Variants in HK3 observed in about 807,000 individuals in gnomAD.
HK3 encodes the protein hexokinase 3, also known as hexokinase-3.
Under a neutral mutation model 91.0 loss-of-function variants are expected in HK3, and 93 were observed. The ratio of observed to expected loss-of-function variants is 1.02; its 90% CI spans 0.86 to 1.21. HK3 has a LOEUF of 1.21. Among genes scored for constraint, HK3 ranks in the 50% most tolerant of loss-of-function variants. The probability of loss-of-function intolerance (pLI) is 0.00; values close to 1 mark genes in which losing one functional copy is unlikely to be tolerated. For missense variants in HK3, 1,235 were observed against 1,247.4 expected, an observed-to-expected ratio of 0.99 and a Z score of 0.15; for synonymous variants, 519 against 516.9, an observed-to-expected ratio of 1.00 and a Z score of -0.06.
chr5:176,891,104 T>A lies in HK3; in HGVS notation c.347A>T (p.His116Leu). ...CTCCTGGCTTCTGGGCTCCACCCTA[T>A]GCCCCTCAATGCCAGTTAGAGTCAC... ...LWVTLTGIEG[H>L]RVEPRSQEFV... The change falls in exon 4 of 19, where the codon CAT becomes CTT. Residue 116 changes from histidine (H) to leucine (L), a missense_variant. His to Leu is a moderately conservative substitution (Grantham distance 99, BLOSUM62 -3). Transcript: ENST00000292432. 1.2e-6 allele frequency: 2 copies of A among 1,614,132 alleles called. No homozygotes were observed. Among genetic ancestry groups the A allele is most frequent in the Non-Finnish European group, 1.7e-6 (2 of 1,180,044 alleles).
In HK3 at chr5:176,890,893, G is replaced by T. The variant is rs757298879; in HGVS notation, c.463C>A (p.Pro155Thr). The change falls in exon 5 of 19, where the codon CCT becomes ACT. Residue 155 changes from proline to threonine, a missense_variant. By Grantham distance (38) the Pro-to-Thr change is conservative. Transcript: ENST00000292432. ...HCLSEFLDAQ[P>T]VNKQGLQLGF... Reference sequence around the variant, plus strand: ...AGCTGCAGACCCTGTTTGTTCACAGGCTGCGCATCCAGGAACTCAGACAGG... The same window carrying T: ...AGCTGCAGACCCTGTTTGTTCACAGTCTGCGCATCCAGGAACTCAGACAGG... The T allele has an allele frequency of 3.1e-6, 5 of 1,614,058 alleles. No individual in the cohort carries two copies. The highest frequency in any genetic ancestry group is 4.2e-6 in the Non-Finnish European group (5 of 1,180,038).
chr5:176,888,693 C>T lies in HK3; in HGVS notation c.1070+16G>A, dbSNP rs1366563455. 3.8e-5 allele frequency: 62 copies of T among 1,614,048 alleles called. No homozygotes were observed. The highest frequency in any genetic ancestry group is 1.6e-4 in the Middle Eastern group (1 of 6,078). ...AGCCAAGAATCCCCCACTAAACCAC[C>T]ATCTCCCCGACTCACTCCTCCATCT... On this transcript the variant is annotated intron_variant, in intron 9 of 18. Transcript: ENST00000292432.
At position 176,881,455 on chromosome 5, in the gene HK3, A is replaced by G; in HGVS notation, c.2474T>C (p.Val825Ala). The change falls in exon 18 of 19, where the codon GTG (valine) becomes GCG (alanine). Residue 825 changes from valine (V) to alanine (A), a missense_variant. Val to Ala is a moderately conservative substitution (Grantham distance 64). Around this residue, in one of 3 missense-constraint regions of HK3, gnomAD observed 513 missense variants for 477.4 expected, o/e 1.07. Coordinates refer to ENST00000292432, the MANE Select transcript of HK3 (RefSeq NM_002115.3). ...GGACACAGCCTGGCACACCTCTAGCACCATCAGGGCGTCATCTGAGGTCAG... is the reference window on the plus strand; with the variant it reads ...GGACACAGCCTGGCACACCTCTAGCGCCATCAGGGCGTCATCTGAGGTCAG... Reference protein sequence around the residue: ...LPLTSDDALMVLEVCQAVSQR... With the variant: ...LPLTSDDALMALEVCQAVSQR... 1.9e-6 allele frequency: 3 copies of G among 1,609,852 alleles called. No homozygotes were observed. Among genetic ancestry groups the G allele is most frequent in the Non-Finnish European group, 1.7e-6 (2 of 1,179,996 alleles).
At chr5:176,891,590 T>C in intron 2 of HK3, 40 bp from the exon 3 acceptor site, 1 of 1,580,856 alleles carries the variant, frequency 6.3e-7, no homozygotes, top group Non-Finnish European at 8.6e-7. Flanking sequence ...GGAGCACCAT[T>C]GGGCTGGCCA....
In HK3 at chr5:176,888,465, C is replaced by T. The variant is rs1038164123; in HGVS notation, c.1171G>A (p.Val391Met). 69 of 1,554,160 alleles carry T rather than the reference C, an allele frequency of 4.4e-5. No individual in the cohort carries two copies. Among genetic ancestry groups the T allele is most frequent in the African/African-American group, 1.9e-4 (14 of 73,252 alleles). The change falls in exon 10 of 19, where the codon GTG (valine) becomes ATG (methionine). Residue 391 changes from valine (V) to methionine (M), a missense_variant. Physicochemically the swap from Val to Met is conservative, Grantham distance 21. This residue lies in a region of HK3 where 717 missense variants were observed against 751.6 expected (regional missense o/e 0.95). Coordinates refer to ENST00000292432, the MANE Select transcript of HK3 (RefSeq NM_002115.3). ...VELVQHVCAA[V>M]CTRAAQLCAA... ...CAGAGCTGGGCAGCCCGCGTGCACACGGCCGCACAGACGTGCTGCACAAGC... is the reference window on the plus strand; with the variant it reads ...CAGAGCTGGGCAGCCCGCGTGCACATGGCCGCACAGACGTGCTGCACAAGC...
At chr5:176,889,869 G>A in intron 6 of HK3, 125 bp from the exon 7 acceptor site, 1 of 729,122 alleles carries the variant, frequency 1.4e-6, no homozygotes, top group Non-Finnish European at 2.4e-6. Context: ...ACACATGTCT[G>A]CATGCCACAC....
rs971919906 is a variant in HK3, at chr5:176,887,959, G to A, written c.1305-213C>T. On this transcript the variant is annotated intron_variant, in intron 10 of 18. Coordinates refer to ENST00000292432, the MANE Select transcript of HK3 (RefSeq NM_002115.3). The surrounding 1 kb of genome is among the most constrained non-coding windows in gnomAD (Gnocchi z 4.9). ...TCTCTCACCCAAGCTAGAGTGCCACGGAGTGATCATGGCTTACTGTAACCT... is the reference window on the plus strand; with the variant it reads ...TCTCTCACCCAAGCTAGAGTGCCACAGAGTGATCATGGCTTACTGTAACCT... Among the ~76,000 whole-genome samples, 7 of 151,790 alleles carry A rather than the reference G, an allele frequency of 4.6e-5. No homozygotes were observed. The highest frequency in any genetic ancestry group is 8.8e-5 in the Non-Finnish European group (6 of 67,966).
chr5:176,883,514 A>T (rs1758498111), intron 15 of HK3, among the ~76,000 whole-genome samples: 1 of 151,954 alleles, frequency 6.6e-6, no homozygotes, highest in Non-Finnish European at 1.5e-5. Flanking sequence ...AATCTGTACA[A>T]CTCCAAAGCT....
At position 176,888,392 on chromosome 5, in the gene HK3, T is replaced by C; in HGVS notation, c.1244A>G (p.Glu415Gly). The C allele has an allele frequency of 6.4e-7, 1 of 1,563,422 alleles. No homozygotes were observed. Among genetic ancestry groups the C allele is most frequent in the Non-Finnish European group, 8.7e-7 (1 of 1,153,272 alleles). The stretch of plus-strand genomic sequence containing the variant: ...CACAGCAACCTGGAGTGTTTGTTGC[T>C]CCCGGCTGTGCTGGAGGCAGGAGAG... ...AVLSCLQHSREQQTLQVAVAT... is the reference protein window; with the variant it reads ...AVLSCLQHSRGQQTLQVAVAT... Residue 415 changes from glutamate (E) to glycine (G), a missense_variant, in exon 10 of 19, where the codon GAG (glutamate) becomes GGG (glycine). By Grantham distance (98) the Glu-to-Gly change is moderately conservative. Coordinates refer to ENST00000292432, the MANE Select transcript of HK3 (RefSeq NM_002115.3).
At chr5:176,889,271 G>C in intron 8 of HK3, 110 bp downstream of exon 8, 1 of 1,248,112 alleles carries the variant, frequency 8.0e-7, no homozygotes, top group Non-Finnish European at 1.1e-6. Context: ...GAGACCCTCA[G>C]AGTGACAGGG....
chr5:176,891,106 C>T lies in HK3; in HGVS notation c.345G>A (p.Gly115=), dbSNP rs753400254. The change falls in exon 4 of 19, where the codon GGG becomes GGA. Residue 115 remains glycine (G), a synonymous_variant. Transcript: ENST00000292432. ...VLWVTLTGIE[G]HRVEPRSQEF... ...CCTGGCTTCTGGGCTCCACCCTATG[C>T]CCCTCAATGCCAGTTAGAGTCACCC... is the stretch of plus-strand genomic sequence containing the variant. 8.1e-6 allele frequency: 13 copies of T among 1,614,004 alleles called. No individual in the cohort carries two copies. The highest frequency in any genetic ancestry group is 1.3e-5 in the African/African-American group (1 of 74,928).
At chr5:176,888,589 TG>T (rs761999569) in intron 9 of HK3, 24 bp from the exon 10 acceptor site, 2 of 1,592,830 alleles carry the variant, frequency 1.3e-6, no homozygotes, top group Non-Finnish European at 1.7e-6. Flanking sequence ...GGAAGTGGTT[TG>T]GGGCTCAGCC....
At chr5:176,890,801 C>G (rs549027384) in intron 5 of HK3, 21 bp downstream of exon 5, 1 of 1,614,218 alleles carries the variant, frequency 6.2e-7, no homozygotes, top group African/African-American at 1.3e-5. Context: ...TACCCAGCGT[C>G]CCATGTCCAC....
chr5:176,881,542 G>C lies in HK3; in HGVS notation c.2394-7C>G. The C allele has an allele frequency of 2.5e-6, 4 of 1,599,666 alleles. No individual in the cohort carries two copies. The highest frequency in any genetic ancestry group is 3.4e-6 in the Non-Finnish European group (4 of 1,175,074). On this transcript the variant is annotated splice_region_variant and splice_polypyrimidine_tract_variant and intron_variant, in intron 17 of 18. Coordinates refer to ENST00000292432, the MANE Select transcript of HK3 (RefSeq NM_002115.3). ...CCGCAGGGCCAGGCTGTCACTGGGGGCCAGGAAGGAAGAGAGCACAGGGAG... is the reference window on the plus strand; with the variant it reads ...CCGCAGGGCCAGGCTGTCACTGGGGCCCAGGAAGGAAGAGAGCACAGGGAG...
Position 176,881,410 on chromosome 5 carries a change from C to A in HK3, c.2519G>T (p.Cys840Phe). The change falls in exon 18 of 19, where the codon TGT (cysteine) becomes TTT (phenylalanine). Residue 840 changes from cysteine to phenylalanine, a missense_variant. Physicochemically the swap from Cys to Phe is radical, Grantham distance 205. Around this residue, in one of 3 missense-constraint regions of HK3, gnomAD observed 513 missense variants for 477.4 expected, o/e 1.07. Transcript: ENST00000292432. The stretch of plus-strand genomic sequence containing the variant: ...CACCACGGCAGCTACACCCGCCCCA[C>A]AGAGCTGGGCAGCCCTCTGGGACAC... Reference protein sequence around the residue: ...QAVSQRAAQLCGAGVAAVVEK... With the variant: ...QAVSQRAAQLFGAGVAAVVEK... 2 of 1,613,138 alleles carry A rather than the reference C, an allele frequency of 1.2e-6. No homozygotes were observed. Among genetic ancestry groups the A allele is most frequent in the Non-Finnish European group, 1.7e-6 (2 of 1,180,042 alleles).
At position 176,889,554 on chromosome 5, in the gene HK3, G is replaced by A; in HGVS notation, c.741C>T (p.Thr247=). 1 of 1,614,022 alleles carries A rather than the reference G, an allele frequency of 6.2e-7. No homozygotes were observed. The highest frequency in any genetic ancestry group is 2.2e-5 in the East Asian group (1 of 44,890). ...GTGCCTCCTCCATGTAACACGCGTT[G>A]GTGCCCGTGTCTGGCAGAGACAACC... The part of the protein sequence containing the change: ...CEVGLVVDTG[T]NACYMEEARH... Residue 247 remains threonine, a synonymous_variant, in exon 8 of 19, where the codon ACC becomes ACT. Coordinates refer to ENST00000292432, the MANE Select transcript of HK3 (RefSeq NM_002115.3).
At position 176,883,799 on chromosome 5, in the gene HK3, T is replaced by A. The variant is rs775865208; in HGVS notation, c.2024A>T (p.Asp675Val). The A allele has an allele frequency of 5.6e-6, 9 of 1,613,432 alleles. No homozygotes were observed. The highest frequency in any genetic ancestry group is 6.8e-6 in the Non-Finnish European group (8 of 1,179,912). ...AATGAGGCCTATCTCGCAACGGGGG[T>A]CCTCATAGCCACAGGACATCATGGT... Reference protein sequence around the residue: ...VGTMMSCGYEDPRCEIGLIVG... With the variant: ...VGTMMSCGYEVPRCEIGLIVG... The change falls in exon 15 of 19, where the codon GAC becomes GTC. Residue 675 changes from aspartate (D) to valine (V), a missense_variant. Coordinates refer to ENST00000292432, the MANE Select transcript of HK3 (RefSeq NM_002115.3).
In HK3 at chr5:176,891,562, C is replaced by T. The variant is rs1237456589; in HGVS notation, c.97-12G>A. ...AGGCACTCCTGCACCTGGGGAGAAA[C>T]AGGCCAACATCTGGGAAGGAGCACC... On this transcript the variant is annotated splice_polypyrimidine_tract_variant and intron_variant, in intron 2 of 18. Coordinates refer to ENST00000292432, the MANE Select transcript of HK3 (RefSeq NM_002115.3). 1.9e-6 allele frequency: 3 copies of T among 1,605,932 alleles called. No homozygotes were observed. The highest frequency in any genetic ancestry group is 2.7e-5 in the African/African-American group (2 of 74,868).
chr5:176,882,199 C>A (rs537920348), intron 15 of HK3, 72 bp from the exon 16 acceptor site: 1 of 1,520,242 alleles, frequency 6.6e-7, no homozygotes, highest in Non-Finnish European at 9.0e-7. Flanking sequence ...CTTCCCATAC[C>A]GAGATGGCAA....
Sources: gnomAD v4.1 joint callset for allele counts (sites outside exome capture counted in the v4.1 genomes callset) on GRCh38, gnomAD v4.1.1 for gene constraint, gnomAD v4.1.1 regional missense constraint, Gnocchi (gnomAD v3.1) non-coding constraint, MANE v1.5 for transcripts, NCBI Gene and HGNC (gene_info 2026-07-23, HGNC 2026-07-21) for gene names.